Variants in ABR observed in about 807,000 individuals in gnomAD.
ABR encodes the protein ABR activator of RhoGEF and GTPase, also known as active breakpoint cluster region-related protein.
Under a neutral mutation model 107.2 loss-of-function variants are expected in ABR, and 35 were observed. The ratio of observed to expected loss-of-function variants is 0.33; its 90% CI spans 0.25 to 0.43. The LOEUF (loss-of-function observed/expected upper bound fraction) is 0.43, where lower values mean the gene tolerates loss of function less well. Ranked by LOEUF, ABR falls within the 20% of genes least tolerant of loss-of-function variation. The probability of loss-of-function intolerance (pLI) is 1.00; values close to 1 mark genes in which losing one functional copy is unlikely to be tolerated. For missense variants in ABR, 815 were observed against 1,115.2 expected (o/e 0.73, Z 3.83); for synonymous variants, 498 against 462.0 (o/e 1.08, Z -1.00).
At chr17:1,086,154 C>T (rs1275650436) in intron 4 of ABR, among the ~76,000 whole-genome samples, 1 of 151,008 alleles carries the variant, frequency 6.6e-6, no homozygotes, top group Non-Finnish European at 1.5e-5. Context: ...CTCAAAAAAA[C>T]AAAAAAAAGG....
At chr17:1,085,806 G>A (rs2036557337) in intron 4 of ABR, among the ~76,000 whole-genome samples, 1 of 152,150 alleles carries the variant, frequency 6.6e-6, no homozygotes, top group Non-Finnish European at 1.5e-5. Flanking sequence ...ATAAATAAAA[G>A]ATATTCTCAA....
intron 3 of ABR, among the ~76,000 whole-genome samples, chr17:1,095,189 A>C (rs2037326818): frequency 6.6e-6 from 1 of 152,136 alleles, no homozygotes; most frequent in African/African-American, 2.4e-5. Context: ...ATTTCTCAGA[A>C]GCCGCGACGC....
In ABR at chr17:1,078,961, A is replaced by ACGGACTCCAGCATCGGGCAGC; in HGVS notation, c.700+348_700+368dup. 1 of 1,508,786 alleles carries ACGGACTCCAGCATCGGGCAGC rather than the reference A, an allele frequency of 6.6e-7. No individual in the cohort carries two copies. The highest frequency in any genetic ancestry group is 8.8e-7 in the Non-Finnish European group (1 of 1,130,704). The allele number at this position is 1,508,786 out of a possible 1,614,324, so 93.5% of individuals were successfully genotyped here. A position where few individuals can be genotyped will look rare whatever the true frequency, so the allele number is the denominator to read the frequency against. On this transcript the variant is annotated intron_variant, in intron 6 of 22. Coordinates refer to ENST00000302538, the MANE Select transcript of ABR (RefSeq NM_021962.5). The surrounding 1 kb of genome is among the most constrained non-coding windows in gnomAD (Gnocchi z 7.5). ...TCAGCCACCTTGCTGATGCTGCCGC[A>ACGGACTCCAGCATCGGGCAGC]CGGACTCCAGCATCGGGCAGCCGCT...
chr17:1,023,123 C>T (rs12946654), intron 16 of ABR, among the ~76,000 whole-genome samples: 8 of 91,642 alleles, frequency 8.7e-5, no homozygotes, highest in Non-Finnish European at 1.5e-4. Context: ...TCCACTACAG[C>T]GCCTCTGCCG....
intron 17 of ABR, 29 bp downstream of exon 17, chr17:1,013,076 G>GCCACTGATCATTCCCATCCCCGGCTCACC: frequency 6.2e-7 from 1 of 1,612,440 alleles, no homozygotes; most frequent in Non-Finnish European, 8.5e-7. Context: ...CCCGGCTCAC[G>GCCACTGATCATTCCCATCCCCGGCTCACC]CCACTGATCA....
chr17:1,012,634 G>A (rs998479689), intron 18 of ABR, 54 bp downstream of exon 18: 1 of 1,349,776 alleles, frequency 7.4e-7, no homozygotes, highest in Non-Finnish European at 1.0e-6. Flanking sequence ...GGCCCGGGCT[G>A]GGGGGGACCC....
intron 1 of ABR, among the ~76,000 whole-genome samples, chr17:1,202,403 T>TA (rs749776111): frequency 1.1e-4 from 17 of 152,196 alleles, no homozygotes; most frequent in Non-Finnish European, 2.2e-4. Context: ...TCCAACCTCT[T>TA]ATTACTCATC....
At position 1,204,904 on chromosome 17, in the gene ABR, T is replaced by C. The variant is rs1422148733; in HGVS notation, c.838+23889A>G. Among the ~76,000 whole-genome samples, 86 of 136,502 alleles carry C rather than the reference T, an allele frequency of 6.3e-4. 1 individual carries two copies. The highest frequency in any genetic ancestry group is 1.8e-3 in the African/African-American group (68 of 36,806). The allele number at this position is 136,502 out of a possible 152,430, so 89.6% of individuals were successfully genotyped here. A position where few individuals can be genotyped will look rare whatever the true frequency, so the allele number is the denominator to read the frequency against. ...TTTTTCTTTTCTTTTTCTTTTTCTT[T>C]TTTTTTTTTTTTTTTTTGAGACTGA... On this transcript the variant is annotated intron_variant, in intron 1 of 22. Transcript: ENST00000574139.
intron 1 of ABR, among the ~76,000 whole-genome samples, chr17:1,169,895 G>T (rs2041643553): frequency 6.6e-6 from 1 of 151,892 alleles, no homozygotes; most frequent in South Asian, 2.1e-4. Flanking sequence ...CTAGAAACTG[G>T]GCACTGGCCC....
intron 1 of ABR, among the ~76,000 whole-genome samples, chr17:1,205,370 C>A (rs529358503): frequency 1.8e-4 from 27 of 152,176 alleles, no homozygotes; most frequent in Non-Finnish European, 3.4e-4. Flanking sequence ...TACTTCTAAG[C>A]ATGCCGTGAA....
chr17:1,108,925 C>T, intron 2 of ABR: 2 of 1,586,484 alleles, frequency 1.3e-6, no homozygotes, highest in Non-Finnish European at 1.7e-6. Flanking sequence ...GGGCGTGTCA[C>T]GCTCCCACCT....
chr17:1,018,600 C>T (rs2071385970), intron 16 of ABR, among the ~76,000 whole-genome samples: 1 of 152,154 alleles, frequency 6.6e-6, no homozygotes, highest in Non-Finnish European at 1.5e-5. Flanking sequence ...CTGGACACAA[C>T]CTGGTCGGGG....
chr17:1,021,410 C>T (rs2071618827), intron 16 of ABR, among the ~76,000 whole-genome samples: 1 of 152,232 alleles, frequency 6.6e-6, no homozygotes, highest in African/African-American at 2.4e-5. Context: ...CCCCATCCTG[C>T]CTCTCACGGC....
At chr17:1,054,403 T>G (rs1411829729) in intron 14 of ABR, among the ~76,000 whole-genome samples, 1 of 152,066 alleles carries the variant, frequency 6.6e-6, no homozygotes, top group Non-Finnish European at 1.5e-5. Flanking sequence ...AATTGTTAAG[T>G]GACAAAACAG....
chr17:1,007,848 A>C (rs561915627), intron 21 of ABR, among the ~76,000 whole-genome samples: 11 of 152,256 alleles, frequency 7.2e-5, no homozygotes, highest in African/African-American at 2.6e-4. Context: ...CCAAAAGAAG[A>C]GTTAAGGTGG....
chr17:1,031,306 C>T (rs1290500403), intron 16 of ABR, among the ~76,000 whole-genome samples: 1 of 152,208 alleles, frequency 6.6e-6, no homozygotes, highest in Non-Finnish European at 1.5e-5. Context: ...TCTCCCCGTG[C>T]GCTGTTTGCA....
At chr17:1,028,166 CT>C (rs2072381759) in intron 16 of ABR, among the ~76,000 whole-genome samples, 1 of 152,164 alleles carries the variant, frequency 6.6e-6, no homozygotes. Context: ...TCTCGGCTCA[CT>C]GCAACCTCCA....
Position 1,150,042 on chromosome 17 carries a change from C to T in ABR, c.62-24675G>A, listed in dbSNP as rs549230955. On this transcript the variant is annotated intron_variant, in intron 1 of 22. Transcript: ENST00000302538. This position sits in a 1 kb window ranked among gnomAD's most constrained non-coding sequence, Gnocchi z 4.8. ...TAGTGGCTGTTATTGTCGTCACTGA[C>T]GTTGTCACTGCTGTTGTCCCTGTTG... Among the ~76,000 whole-genome samples the T allele has an allele frequency of 4.6e-5, 7 of 152,188 alleles. No homozygotes were observed. The highest frequency in any genetic ancestry group is 7.2e-5 in the African/African-American group (3 of 41,520).
At chr17:1,096,499 G>A (rs1050026208) in intron 3 of ABR, among the ~76,000 whole-genome samples, 2 of 152,082 alleles carry the variant, frequency 1.3e-5, no homozygotes, top group African/African-American at 4.8e-5. Context: ...GAGGAGAGGA[G>A]GAAGGGTGTG....
Sources: gnomAD v4.1 joint callset for allele counts (sites outside exome capture counted in the v4.1 genomes callset) on GRCh38, gnomAD v4.1.1 for gene constraint, Gnocchi (gnomAD v3.1) non-coding constraint, MANE v1.5 for transcripts, NCBI Gene and HGNC (gene_info 2026-07-23, HGNC 2026-07-21) for gene names.